Variants in ITGA6 observed in about 807,000 individuals in gnomAD.
The protein encoded by ITGA6 is integrin subunit alpha 6, also known as integrin alpha-6.
A neutral mutation model predicts 133.6 loss-of-function variants in ITGA6; 63 were observed. That is an observed-to-expected ratio of 0.47 (90% CI 0.38 to 0.58). The LOEUF is 0.58. Among genes scored for constraint, ITGA6 ranks in the 20% least tolerant of loss-of-function variants. ITGA6 has a pLI of 0.00. For missense variants in ITGA6, 1,068 were observed against 1,309.4 expected, an observed-to-expected ratio of 0.82 and a Z score of 2.85; for synonymous variants, 434 against 482.0, an observed-to-expected ratio of 0.90 and a Z score of 1.30.
intron 24 of ITGA6, among the ~76,000 whole-genome samples, chr2:172,499,553 GGCCTTGCT>G (rs1001021778): frequency 9.2e-5 from 14 of 151,958 alleles, no homozygotes; most frequent in African/African-American, 3.4e-4. Context: ...ATAAAGGTGA[GGCCTTGCT>G]GTGTTGCCCA....
chr2:172,427,408 CGG>C, upstream of ITGA6: 1 of 1,022,508 alleles, frequency 9.8e-7, no homozygotes, highest in Non-Finnish European at 1.2e-6. Flanking sequence ...AGCTCGCCTC[CGG>C]GGCTCCCACG....
intron 4 of ITGA6, among the ~76,000 whole-genome samples, chr2:172,470,057 AG>A (rs1685853509): frequency 6.6e-6 from 1 of 152,254 alleles, no homozygotes; most frequent in Non-Finnish European, 1.5e-5. Context: ...CATGATGAAG[AG>A]AACTGCATCT....
intron 3 of ITGA6, 99 bp from the exon 4 acceptor site, chr2:172,469,026 T>G: frequency 7.7e-7 from 1 of 1,297,836 alleles, no homozygotes; most frequent in Non-Finnish European, 1.1e-6. Context: ...ATCATCCTCT[T>G]TAGAATTAAC....
chr2:172,493,141 C>A (rs1188777704), intron 23 of ITGA6, among the ~76,000 whole-genome samples: 2 of 152,090 alleles, frequency 1.3e-5, no homozygotes, highest in African/African-American at 2.4e-5. Context: ...CTCCTGGACT[C>A]AAGCAATCCG....
intron 1 of ITGA6, among the ~76,000 whole-genome samples, chr2:172,431,875 T>C (rs1022049745): frequency 2.0e-5 from 3 of 152,228 alleles, no homozygotes; most frequent in Admixed American, 6.5e-5. Context: ...ATGGTATAAA[T>C]AATTTGTTGG....
At position 172,487,610 on chromosome 2, in the gene ITGA6, C is replaced by T; in HGVS notation, c.2224C>T (p.Pro742Ser). The change falls in exon 16 of 26, where the codon CCT becomes TCT. Residue 742 changes from proline (P) to serine (S), a missense_variant. Physicochemically the swap from Pro to Ser is moderately conservative, Grantham distance 74. Coordinates refer to ENST00000684293, the MANE Select transcript of ITGA6 (RefSeq NM_000210.4). ...GCAAGCTGACTGTGAGCTCGGAAAT[C>T]CTTTTAAAAGAAATTCAAATGTAGG... is the stretch of plus-strand genomic sequence containing the variant. Reference protein sequence around the residue: ...GSQADCELGNPFKRNSNVTFY... With the variant: ...GSQADCELGNSFKRNSNVTFY... 6.2e-7 allele frequency: 1 copy of T among 1,614,088 alleles called. No homozygotes were observed. The highest frequency in any genetic ancestry group is 1.1e-5 in the South Asian group (1 of 91,084).
chr2:172,480,705 T>C (rs1427346525), intron 11 of ITGA6: 1 of 153,748 alleles, frequency 6.5e-6, no homozygotes, highest in Non-Finnish European at 1.4e-5. Context: ...GTGCATACAG[T>C]TGTGCTGGAG....
In ITGA6 at chr2:172,506,030, G is replaced by A. The variant is rs1687546805; in HGVS notation, c.*1962G>A. 6.6e-6 allele frequency: 1 copy of A among 152,592 alleles called. No individual in the cohort carries two copies. Among genetic ancestry groups the A allele is most frequent in the African/African-American group, 2.4e-5 (1 of 41,442 alleles). 9.5% of individuals were successfully genotyped at this position (152,592 alleles called of 1,614,324 possible). A position where few individuals can be genotyped will look rare whatever the true frequency, so the allele number is the denominator to read the frequency against. On this transcript the variant is annotated 3_prime_UTR_variant, in exon 26 of 26. Transcript: ENST00000684293. The stretch of plus-strand genomic sequence containing the variant: ...TCAACAAAGAAACAAAGATGTTATG[G>A]TGTTTAGATTTATGGTTGTTAAAAA...
intron 5 of ITGA6, chr2:172,472,941 A>G: frequency 1.0e-6 from 1 of 975,270 alleles, no homozygotes. Flanking sequence ...TGGTCATTAA[A>G]TTTTTTTTTT....
intron 1 of ITGA6, among the ~76,000 whole-genome samples, chr2:172,456,110 C>T (rs997644068): frequency 6.6e-6 from 1 of 152,170 alleles, no homozygotes; most frequent in East Asian, 1.9e-4. Context: ...TGTGGACATT[C>T]CCTGTTAATC....
chr2:172,505,084 C>CT lies in ITGA6; in HGVS notation c.*1018dup, dbSNP rs1687502565. The CT allele has an allele frequency of 6.6e-6, 1 of 152,588 alleles. No individual in the cohort carries two copies. The highest frequency in any genetic ancestry group is 1.5e-5 in the Non-Finnish European group (1 of 68,040). 9.5% of individuals were successfully genotyped at this position (152,588 alleles called of 1,614,324 possible). ...GTACCAGAGAGAGTTGTTTTAATAACTTATCTATAAACTATAACCTCTCCT... is the reference window on the plus strand; with the variant it reads ...GTACCAGAGAGAGTTGTTTTAATAACTTTATCTATAAACTATAACCTCTCCT... On this transcript the variant is annotated 3_prime_UTR_variant, in exon 26 of 26. Transcript: ENST00000684293.
rs1211711286 is a variant in ITGA6, at chr2:172,506,279, C to CA, written c.*2214dup. On this transcript the variant is annotated 3_prime_UTR_variant, in exon 26 of 26. Transcript: ENST00000684293. ...ACCTGAATTATCTATTTCATCAAACCAAAGTTCAGTGTTTTTATTTTTGGT... is the reference window on the plus strand; with the variant it reads ...ACCTGAATTATCTATTTCATCAAACCAAAAGTTCAGTGTTTTTATTTTTGGT... 1 of 152,504 alleles carries CA rather than the reference C, an allele frequency of 6.6e-6. No homozygotes were observed. The highest frequency in any genetic ancestry group is 2.4e-5 in the African/African-American group (1 of 41,408). 9.4% of individuals were successfully genotyped at this position (152,504 alleles called of 1,614,324 possible). A position where few individuals can be genotyped will look rare whatever the true frequency, so the allele number is the denominator to read the frequency against.
intron 9 of ITGA6, 49 bp from the exon 10 acceptor site, chr2:172,479,592 A>G: frequency 6.8e-7 from 1 of 1,474,172 alleles, no homozygotes; most frequent in Non-Finnish European, 9.5e-7. Flanking sequence ...TTAGACTCAC[A>G]TTCAAGGTAA....
chr2:172,486,418 T>G (rs1218575373), intron 13 of ITGA6, among the ~76,000 whole-genome samples: 1 of 152,114 alleles, frequency 6.6e-6, no homozygotes, highest in African/African-American at 2.4e-5. Context: ...CATTCCCAGC[T>G]CCATAGCTAG....
At chr2:172,490,693 G>C (rs1246309464) in intron 20 of ITGA6, 1 of 326,876 alleles carries the variant, frequency 3.1e-6, no homozygotes, top group African/African-American at 2.2e-5. Context: ...TGGAGGCTAG[G>C]GATACAGGAA....
At chr2:172,456,519 G>A (rs1685214688) in intron 1 of ITGA6, among the ~76,000 whole-genome samples, 1 of 152,180 alleles carries the variant, frequency 6.6e-6, no homozygotes, top group Non-Finnish European at 1.5e-5. Context: ...TCAATCTTTA[G>A]ACAACAGGTA....
chr2:172,493,255 C>T (rs550713054), intron 23 of ITGA6, among the ~76,000 whole-genome samples: 2 of 151,998 alleles, frequency 1.3e-5, no homozygotes, highest in African/African-American at 2.4e-5. Flanking sequence ...CAAGCTGCTG[C>T]GATAAGTGGT....
chr2:172,436,074 C>T (rs1684308864), intron 1 of ITGA6, among the ~76,000 whole-genome samples: 1 of 152,150 alleles, frequency 6.6e-6, no homozygotes, highest in Non-Finnish European at 1.5e-5. Flanking sequence ...CAGGTACCGA[C>T]TTAAGGCGAT....
chr2:172,488,648 T>C (rs979932503), intron 19 of ITGA6, among the ~76,000 whole-genome samples: 1 of 152,192 alleles, frequency 6.6e-6, no homozygotes, highest in Non-Finnish European at 1.5e-5. Context: ...TGACTCTCTG[T>C]CCTGTTGAAT....
Sources: gnomAD v4.1 joint callset for allele counts (sites outside exome capture counted in the v4.1 genomes callset) on GRCh38, gnomAD v4.1.1 for gene constraint, MANE v1.5 for transcripts, NCBI Gene and HGNC (gene_info 2026-07-23, HGNC 2026-07-21) for gene names.